LMTK3: variants seen among roughly 807,000 people sequenced by gnomAD.
The protein encoded by LMTK3 is lemur tail kinase 3, also known as serine/threonine-protein kinase LMTK3.
Under a neutral mutation model 116.7 loss-of-function variants are expected in LMTK3, and 27 were observed. The ratio of observed to expected loss-of-function variants is 0.23; its 90% CI spans 0.17 to 0.32. The LOEUF (loss-of-function observed/expected upper bound fraction) is 0.32, where lower values mean the gene tolerates loss of function less well. Ranked by LOEUF, LMTK3 falls within the 10% of genes least tolerant of loss-of-function variation. LMTK3 has a pLI of 1.00. For missense variants in LMTK3, 1,764 were observed against 2,068.5 expected (o/e 0.85, Z 2.86); for synonymous variants, 965 against 971.0 (o/e 0.99, Z 0.11).
Position 48,498,158 on chromosome 19 carries a change from C to T in LMTK3, c.2911G>A (p.Glu971Lys). The T allele has an allele frequency of 6.2e-7, 1 of 1,613,742 alleles. No homozygotes were observed. Among genetic ancestry groups the T allele is most frequent in the Non-Finnish European group, 8.5e-7 (1 of 1,179,820 alleles). ...AGCTCCCCATTCTCCAGCGCTTTCT[C>T]CTCCCTCCTTGGGGGTGTCAGCTCC... ...NGELTPPRRE[E>K]KALENGELRS... Residue 971 changes from glutamate to lysine, a missense_variant, in exon 11 of 15, where the codon GAG (glutamate) becomes AAG (lysine). Physicochemically the swap from Glu to Lys is moderately conservative, Grantham distance 56. Coordinates refer to ENST00000600059, the MANE Select transcript of LMTK3 (RefSeq NM_001388485.1).
At position 48,498,760 on chromosome 19, in the gene LMTK3, G is replaced by A; in HGVS notation, c.2309C>T (p.Pro770Leu). 2.7e-6 allele frequency: 4 copies of A among 1,496,948 alleles called. No homozygotes were observed. The South Asian group carries it at 4.9e-5, about 18-fold the overall frequency. 92.7% of individuals were successfully genotyped at this position (1,496,948 alleles called of 1,614,324 possible). ...PRAPADPAAS[P>L]DPPSAVASPG... Reference sequence around the variant, plus strand: ...ACTGGCCACGGCCGAAGGGGGGTCGGGGGACGCGGCCGGGTCCGCGGGGGC... The same window carrying A: ...ACTGGCCACGGCCGAAGGGGGGTCGAGGGACGCGGCCGGGTCCGCGGGGGC... Residue 770 changes from proline (P) to leucine (L), a missense_variant, in exon 11 of 15, where the codon CCC becomes CTC. Physicochemically the swap from Pro to Leu is moderately conservative, Grantham distance 98 (BLOSUM62 -3). Around this residue, in one of 7 missense-constraint regions of LMTK3, gnomAD observed 1,028 missense variants for 1,050.6 expected, o/e 0.98. Coordinates refer to ENST00000600059, the MANE Select transcript of LMTK3 (RefSeq NM_001388485.1).
In LMTK3 at chr19:48,494,790, C is replaced by T. The variant is rs1972297419; in HGVS notation, c.3677-681G>A. On this transcript the variant is annotated intron_variant, in intron 11 of 14. Transcript: ENST00000600059. The surrounding 1 kb of genome is among the most constrained non-coding windows in gnomAD (Gnocchi z 4.0). ...AAAGATGAATGCAGACGGTCCCTCTCAGGTCCTCGTTCTCTCTACTCAAGT... is the reference window on the plus strand; with the variant it reads ...AAAGATGAATGCAGACGGTCCCTCTTAGGTCCTCGTTCTCTCTACTCAAGT... Among the ~76,000 whole-genome samples the T allele has an allele frequency of 6.6e-6, 1 of 152,188 alleles. No individual in the cohort carries two copies. The highest frequency in any genetic ancestry group is 1.5e-5 in the Non-Finnish European group (1 of 68,034).
At position 48,509,000 on chromosome 19, in the gene LMTK3, T is replaced by A. The variant is rs755716792; in HGVS notation, c.439-31A>T. 2.0e-6 allele frequency: 3 copies of A among 1,488,486 alleles called. No homozygotes were observed. In the Admixed American group the frequency reaches 5.3e-5, roughly 26 times the overall value. The allele number at this position is 1,488,486 out of a possible 1,614,324, so 92.2% of individuals were successfully genotyped here. On this transcript the variant is annotated intron_variant, in intron 4 of 14. Transcript: ENST00000600059. Reference sequence around the variant, plus strand: ...CAAGGGGCACCCAGGAGTCAGCGAGTGCCGTTTCCCCAGCCCCGTCCCCTG... The same window carrying A: ...CAAGGGGCACCCAGGAGTCAGCGAGAGCCGTTTCCCCAGCCCCGTCCCCTG...
chr19:48,489,931 TCGGCAGCAGA>T (rs970156621), intron 14 of LMTK3, among the ~76,000 whole-genome samples: 1 of 152,198 alleles, frequency 6.6e-6, no homozygotes, highest in African/African-American at 2.4e-5. Context: ...GTTCCCTGGC[TCGGCAGCAGA>T]GGGCAGCAGA....
Position 48,509,060 on chromosome 19 carries a change from C to T in LMTK3, c.439-91G>A, listed in dbSNP as rs1250816208. Reference sequence around the variant, plus strand: ...CCACTCCACCACACAGCTCCCAACCCCCGGCTCCTTCCCAGCTTCTCCCTC... The same window carrying T: ...CCACTCCACCACACAGCTCCCAACCTCCGGCTCCTTCCCAGCTTCTCCCTC... On this transcript the variant is annotated intron_variant, in intron 4 of 14. Transcript: ENST00000600059. 1.1e-5 allele frequency: 9 copies of T among 824,594 alleles called. No individual in the cohort carries two copies. The East Asian group carries it at 2.0e-4, about 19-fold the overall frequency. The allele number at this position is 824,594 out of a possible 1,614,324, so 51.1% of individuals were successfully genotyped here. A position where few individuals can be genotyped will look rare whatever the true frequency, so the allele number is the denominator to read the frequency against.
In LMTK3 at chr19:48,498,166, C is replaced by T; in HGVS notation, c.2903G>A (p.Arg968Lys). 6.2e-7 allele frequency: 1 copy of T among 1,613,452 alleles called. No homozygotes were observed. Among genetic ancestry groups the T allele is most frequent in the Non-Finnish European group, 8.5e-7 (1 of 1,179,706 alleles). ...VLENGELTPP[R>K]REEKALENGE... Reference sequence around the variant, plus strand: ...ATTCTCCAGCGCTTTCTCCTCCCTCCTTGGGGGTGTCAGCTCCCCATTCTC... The same window carrying T: ...ATTCTCCAGCGCTTTCTCCTCCCTCTTTGGGGGTGTCAGCTCCCCATTCTC... Residue 968 changes from arginine (R) to lysine (K), a missense_variant, in exon 11 of 15, where the codon AGG (arginine) becomes AAG (lysine). This residue lies in a region of LMTK3 where 1,028 missense variants were observed against 1,050.6 expected (regional missense o/e 0.98). Coordinates refer to ENST00000600059, the MANE Select transcript of LMTK3 (RefSeq NM_001388485.1).
At chr19:48,505,101 C>CTG (rs1972542812) in intron 5 of LMTK3, among the ~76,000 whole-genome samples, 1 of 83,856 alleles carries the variant, frequency 1.2e-5, no homozygotes, top group Non-Finnish European at 2.1e-5. Context: ...CTCTCTCTCT[C>CTG]TCTTTTTTTT....
chr19:48,502,670 TG>T, intron 6 of LMTK3, 89 bp from the exon 7 acceptor site: 2 of 1,405,488 alleles, frequency 1.4e-6, no homozygotes. Flanking sequence ...CTGCTGTCAC[TG>T]GGTAGCCCCT....
At chr19:48,505,081 T>TTCTCTC (rs59270444) in intron 5 of LMTK3, among the ~76,000 whole-genome samples, 11 of 135,696 alleles carry the variant, frequency 8.1e-5, no homozygotes, top group Non-Finnish European at 1.1e-4. Context: ...CTCTGACAGT[T>TTCTCTC]TCTCTCTCTC....
chr19:48,495,932 C>T (rs143259764), intron 11 of LMTK3, among the ~76,000 whole-genome samples: 22 of 152,348 alleles, frequency 1.4e-4, no homozygotes, highest in African/African-American at 5.3e-4. Flanking sequence ...TTCAGAAAGG[C>T]ATATCTGTGC....
rs1972461753 is a variant in LMTK3 at position 48,501,313 on chromosome 19, A to G, written c.971T>C (p.Val324Ala). The change falls in exon 9 of 15, where the codon GTG (valine) becomes GCG (alanine). Residue 324 changes from valine to alanine, a missense_variant. Physicochemically the swap from Val to Ala is moderately conservative, Grantham distance 64. Transcript: ENST00000600059. ...LLGELHGTFM[V>A]VDQSRESNIW... ...GTTGCTCTCGCGGCTCTGGTCCACCACCATGAAGGTCCCGTGGAGCTCCCC... is the reference window on the plus strand; with the variant it reads ...GTTGCTCTCGCGGCTCTGGTCCACCGCCATGAAGGTCCCGTGGAGCTCCCC... The G allele has an allele frequency of 2.5e-6, 4 of 1,613,416 alleles. No individual in the cohort carries two copies. Among genetic ancestry groups the G allele is most frequent in the Non-Finnish European group, 2.5e-6 (3 of 1,179,776 alleles).
In LMTK3 at chr19:48,501,100, C is replaced by T; in HGVS notation, c.1047G>A (p.Gln349=). 2 of 1,598,288 alleles carry T rather than the reference C, an allele frequency of 1.3e-6. No homozygotes were observed. The highest frequency in any genetic ancestry group is 1.7e-6 in the Non-Finnish European group (2 of 1,172,716). The part of the protein sequence containing the change: ...TLWELFEFGA[Q]PYRHLSDEEV... ...CCTCGTCTGACAGGTGGCGGTAGGG[C>T]TGGGCCCCAAACTCAAACAGCTCCC... Residue 349 remains glutamine (Q), a synonymous_variant, in exon 10 of 15, where the codon CAG becomes CAA. Transcript: ENST00000600059.
At chr19:48,501,633 A>G in intron 7 of LMTK3, 71 bp from the exon 8 acceptor site, 2 of 1,426,424 alleles carry the variant, frequency 1.4e-6, no homozygotes, top group Non-Finnish European at 1.9e-6. Context: ...GCCCTTTCAC[A>G]CTGACTCCAC....
rs1255656030 is a variant in LMTK3, at chr19:48,498,224, G to A, written c.2845C>T (p.Leu949=). ...TTCTCTTCTCTCTCGGGGGACCCCAGGGCCCCATTCTCCGCCGCCTTCTCC... is the reference window on the plus strand; with the variant it reads ...TTCTCTTCTCTCTCGGGGGACCCCAAGGCCCCATTCTCCGCCGCCTTCTCC... ...IEEKAAENGA[L]GSPEREEKVL... is the part of the protein sequence containing the mutation. Residue 949 remains leucine (L), a synonymous_variant, in exon 11 of 15, where the codon CTG becomes TTG. Transcript: ENST00000600059. 6.2e-7 allele frequency: 1 copy of A among 1,613,508 alleles called. No homozygotes were observed. The highest frequency in any genetic ancestry group is 1.7e-5 in the Admixed American group (1 of 60,000).
Position 48,498,950 on chromosome 19 carries a change from C to T in LMTK3, c.2119G>A (p.Asp707Asn), listed in dbSNP as rs1259475726. 4.7e-6 allele frequency: 6 copies of T among 1,282,276 alleles called. No homozygotes were observed. The highest frequency in any genetic ancestry group is 2.6e-5 in the South Asian group (1 of 38,210). 79.4% of individuals were successfully genotyped at this position (1,282,276 alleles called of 1,614,324 possible). The stretch of plus-strand genomic sequence containing the variant: ...CCCCGCTCTGCCCGCAGCGAGGAGT[C>T]GTCCTCGGGGGGGTGGGGGCAGCCA... The part of the protein sequence containing the change: ...ALGCPHPPED[D>N]SSLRAERGSL... The change falls in exon 11 of 15, where the codon GAC becomes AAC. Residue 707 changes from aspartate (D) to asparagine (N), a missense_variant. Physicochemically the swap from Asp to Asn is conservative, Grantham distance 23. Around this residue, in one of 7 missense-constraint regions of LMTK3, gnomAD observed 1,028 missense variants for 1,050.6 expected, o/e 0.98. Coordinates refer to ENST00000600059, the MANE Select transcript of LMTK3 (RefSeq NM_001388485.1).
At chr19:48,492,436 C>T (rs1972242732) in intron 12 of LMTK3, among the ~76,000 whole-genome samples, 2 of 152,188 alleles carry the variant, frequency 1.3e-5, no homozygotes, top group Non-Finnish European at 2.9e-5. Context: ...ATCCTCCCGC[C>T]TCGGCCTCCC....
In LMTK3 at chr19:48,500,638, G is replaced by C. The variant is rs1382562350; in HGVS notation, c.1151+358C>G. 6.6e-6 allele frequency among the ~76,000 whole-genome samples: 1 copy of C among 152,164 alleles called. No individual in the cohort carries two copies. The highest frequency in any genetic ancestry group is 2.4e-5 in the African/African-American group (1 of 41,440). ...AGACCCAAAGAAGCAGGGGTGGGGGGAAGATGCCCATAGAGAGAGGCTGAC... is the reference window on the plus strand; with the variant it reads ...AGACCCAAAGAAGCAGGGGTGGGGGCAAGATGCCCATAGAGAGAGGCTGAC... On this transcript the variant is annotated intron_variant, in intron 10 of 14. Transcript: ENST00000600059. The surrounding 1 kb of genome is among the most constrained non-coding windows in gnomAD (Gnocchi z 4.0).
chr19:48,502,825 C>T (rs538806193), intron 6 of LMTK3, 84 bp downstream of exon 6: 40 of 1,029,034 alleles, frequency 3.9e-5, no homozygotes, highest in Admixed American at 3.4e-4. Flanking sequence ...ATGATGATGA[C>T]GACGAAGCCC....
At chr19:48,510,751 G>T (rs773250420) in intron 1 of LMTK3, among the ~76,000 whole-genome samples, 159 bp from the exon 2 acceptor site, 2 of 152,256 alleles carry the variant, frequency 1.3e-5, no homozygotes, top group Non-Finnish European at 2.9e-5. Context: ...CATTGTGGGA[G>T]TTGTAGTTTG....
Sources: allele counts gnomAD v4.1 joint callset (sites outside exome capture counted in the v4.1 genomes callset), GRCh38; gene constraint gnomAD v4.1.1; regional missense constraint gnomAD v4.1.1; non-coding constraint Gnocchi (gnomAD v3.1); transcripts MANE v1.5; gene names NCBI Gene and HGNC (gene_info 2026-07-23, HGNC 2026-07-21).